PLEKHA8: variants seen among roughly 807,000 people sequenced by gnomAD.
PLEKHA8 encodes the protein pleckstrin homology domain-containing family A member 8.
In PLEKHA8, 36 loss-of-function variants were observed where a neutral mutation model predicts 68.2. The observed-to-expected ratio is 0.53, with a 90% CI of 0.40 to 0.70. The LOEUF (loss-of-function observed/expected upper bound fraction) is 0.70, where lower values mean the gene tolerates loss of function less well. Ranked by LOEUF, PLEKHA8 falls within the 30% of genes least tolerant of loss-of-function variation. PLEKHA8 has a pLI of 0.00. For missense variants in PLEKHA8, 505 were observed against 615.4 expected (o/e 0.82, Z 1.90); for synonymous variants, 211 against 216.1 (o/e 0.98, Z 0.20).
intron 13 of PLEKHA8, among the ~76,000 whole-genome samples, chr7:30,124,592 G>A (rs970059711): frequency 3.3e-5 from 5 of 151,928 alleles, no homozygotes; most frequent in Admixed American, 2.0e-4. Flanking sequence ...TGCTTTCACC[G>A]ACAATGTAAA....
chr7:30,121,074 C>T (rs908735974), intron 13 of PLEKHA8, among the ~76,000 whole-genome samples: 14 of 151,732 alleles, frequency 9.2e-5, no homozygotes, highest in Admixed American at 9.2e-4. Flanking sequence ...AACAATGGCC[C>T]AACGATAGAA....
At chr7:30,051,754 A>T (rs1373810278) in intron 6 of PLEKHA8, among the ~76,000 whole-genome samples, 2 of 152,120 alleles carry the variant, frequency 1.3e-5, no homozygotes, top group East Asian at 3.9e-4. Flanking sequence ...CGGGTGGATC[A>T]CCTGAGGTCA....
In PLEKHA8 at chr7:30,045,077, G is replaced by C. The variant is rs1246966382; in HGVS notation, c.41-8G>C. Reference sequence around the variant, plus strand: ...TAATTGCAATGATGCTCTTGCTTTTGTTTTCAGGTTGGCAGCCTCGATGGT... The same window carrying C: ...TAATTGCAATGATGCTCTTGCTTTTCTTTTCAGGTTGGCAGCCTCGATGGT... On this transcript the variant is annotated splice_region_variant and splice_polypyrimidine_tract_variant and intron_variant, in intron 1 of 13. Transcript: ENST00000449726. 1.3e-6 allele frequency: 2 copies of C among 1,582,038 alleles called. No individual in the cohort carries two copies. The highest frequency in any genetic ancestry group is 2.7e-5 in the African/African-American group (2 of 73,060).
intron 13 of PLEKHA8, among the ~76,000 whole-genome samples, chr7:30,108,692 A>G (rs1054483639): frequency 1.2e-4 from 19 of 152,282 alleles, no homozygotes; most frequent in African/African-American, 4.3e-4. Context: ...GACCCTGAGA[A>G]CTTACTCTGT....
intron 9 of PLEKHA8, among the ~76,000 whole-genome samples, chr7:30,055,853 G>A (rs1487105555): frequency 2.0e-5 from 3 of 151,528 alleles, no homozygotes; most frequent in African/African-American, 7.3e-5. Flanking sequence ...TATGGGTTTC[G>A]TCATGTTGCC....
Position 30,074,124 on chromosome 7 carries a change from G to T in PLEKHA8, c.1354G>T (p.Val452Phe), listed in dbSNP as rs551688043. ...ACACCATGGCTGGGTAGTTCGAGGG[G>T]TTTTTGCGGTAAGTGATCCTTCTTG... ...RQHHGWVVRG[V>F]FALALRAAPS... Residue 452 changes from valine (V) to phenylalanine (F), a missense_variant, in exon 13 of 14, where the codon GTT becomes TTT. Physicochemically the swap from Val to Phe is conservative, Grantham distance 50 (BLOSUM62 -1). Coordinates refer to ENST00000449726, the MANE Select transcript of PLEKHA8 (RefSeq NM_001197026.2). 6.2e-7 allele frequency: 1 copy of T among 1,612,656 alleles called. No individual in the cohort carries two copies. Among genetic ancestry groups the T allele is most frequent in the Non-Finnish European group, 8.5e-7 (1 of 1,178,954 alleles).
chr7:30,036,756 ACTCCTTG>A (rs1791131297), intron 1 of PLEKHA8, among the ~76,000 whole-genome samples: 1 of 152,172 alleles, frequency 6.6e-6, no homozygotes, highest in African/African-American at 2.4e-5. Flanking sequence ...GTAGTCTGTC[ACTCCTTG>A]AGGCTGGGAT....
chr7:30,070,074 A>T (rs1211241561), intron 12 of PLEKHA8, among the ~76,000 whole-genome samples: 5 of 152,130 alleles, frequency 3.3e-5, no homozygotes, highest in African/African-American at 9.7e-5. Flanking sequence ...TAATGCCATC[A>T]GTCTCACATG....
At chr7:30,052,900 T>G (rs904064309) in intron 7 of PLEKHA8, 34 bp downstream of exon 7, 11 of 1,519,556 alleles carry the variant, frequency 7.2e-6, no homozygotes, top group Non-Finnish European at 9.7e-6. Flanking sequence ...AACAAACCAA[T>G]TTTAGATGAT....
chr7:30,111,077 G>A (rs530241883), intron 13 of PLEKHA8, among the ~76,000 whole-genome samples: 1 of 151,980 alleles, frequency 6.6e-6, no homozygotes, highest in East Asian at 1.9e-4. Flanking sequence ...GCTAATTTTT[G>A]TATTTTTAGT....
chr7:30,044,449 A>C (rs375020366), intron 1 of PLEKHA8, among the ~76,000 whole-genome samples: 5 of 152,248 alleles, frequency 3.3e-5, no homozygotes, highest in African/African-American at 1.2e-4. Flanking sequence ...GTCCCCTGAA[A>C]TTCTCCAATA....
chr7:30,073,938 A>G (rs1197699662), intron 12 of PLEKHA8, 133 bp from the exon 13 acceptor site: 2 of 611,892 alleles, frequency 3.3e-6, no homozygotes, highest in Middle Eastern at 3.2e-4. Flanking sequence ...TGCAACTATT[A>G]TCACACCACT....
intron 1 of PLEKHA8, among the ~76,000 whole-genome samples, chr7:30,029,164 C>T (rs1562845438): frequency 6.6e-6 from 1 of 152,252 alleles, no homozygotes; most frequent in East Asian, 1.9e-4. Context: ...AGGAACCGTA[C>T]TCCCTTGGCT....
rs1380492329 is a variant in PLEKHA8 at position 30,049,317 on chromosome 7, A to G, written c.532A>G (p.Thr178Ala). The G allele has an allele frequency of 1.9e-6, 3 of 1,614,008 alleles. No homozygotes were observed. Among genetic ancestry groups the G allele is most frequent in the Non-Finnish European group, 2.5e-6 (3 of 1,180,022 alleles). The change falls in exon 5 of 14, where the codon ACC becomes GCC. Residue 178 changes from threonine to alanine, a missense_variant. Coordinates refer to ENST00000449726, the MANE Select transcript of PLEKHA8 (RefSeq NM_001197026.2). ...ECMQIANAAFTSELLYRTPPG... is the reference protein window; with the variant it reads ...ECMQIANAAFASELLYRTPPG... Reference sequence around the variant, plus strand: ...CATGCAGATCGCAAATGCAGCCTTCACCTCTGAGCTGCTCTACCGCACTCC... The same window carrying G: ...CATGCAGATCGCAAATGCAGCCTTCGCCTCTGAGCTGCTCTACCGCACTCC...
At chr7:30,126,094 T>TC (rs397806691) in intron 13 of PLEKHA8, among the ~76,000 whole-genome samples, 1 of 152,028 alleles carries the variant, frequency 6.6e-6, no homozygotes, top group Non-Finnish European at 1.5e-5. Flanking sequence ...TTTTTTTTTT[T>TC]CACTCTGAGG....
chr7:30,054,068 A>G (rs989537855), intron 7 of PLEKHA8, among the ~76,000 whole-genome samples: 3 of 152,216 alleles, frequency 2.0e-5, no homozygotes, highest in Non-Finnish European at 4.4e-5. Flanking sequence ...TAGGAACGCT[A>G]GACGGTACTA....
intron 12 of PLEKHA8, among the ~76,000 whole-genome samples, chr7:30,089,884 T>A (rs753478792): frequency 6.6e-6 from 1 of 151,960 alleles, no homozygotes; most frequent in Non-Finnish European, 1.5e-5. Context: ...CAAATAAATA[T>A]ATTCGAAATA....
Position 30,099,686 on chromosome 7 carries a change from C to G in PLEKHA8, c.1362+25554C>G, listed in dbSNP as rs555957537. 7.9e-5 allele frequency among the ~76,000 whole-genome samples: 12 copies of G among 152,334 alleles called. 1 individual carries two copies. The South Asian group carries it at 2.5e-3, about 32-fold the overall frequency. On this transcript the variant is annotated intron_variant, in intron 13 of 13. Coordinates refer to the PLEKHA8 transcript ENST00000396257. ...AATATACACCAAGTTATACCATATG[C>G]TGGACCGTAAAACAAATTTATAATC...
chr7:30,049,445 AGTTAT>A, intron 5 of PLEKHA8, 63 bp downstream of exon 5: 1 of 1,573,220 alleles, frequency 6.4e-7, no homozygotes, highest in South Asian at 1.2e-5. Context: ...GTTTATAGTG[AGTTAT>A]GTTCTCTATT....
Sources: gnomAD v4.1 joint callset for allele counts (sites outside exome capture counted in the v4.1 genomes callset) on GRCh38, gnomAD v4.1.1 for gene constraint, MANE v1.5 for transcripts, NCBI Gene and HGNC (gene_info 2026-07-23, HGNC 2026-07-21) for gene names.